The following GUCY1A2 variants were observed in gnomAD, a reference collection of about 807,000 sequenced individuals.
GUCY1A2 encodes the protein guanylate cyclase soluble subunit alpha-2.
GUCY1A2 carries 27 observed loss-of-function variants against 63.5 expected under a neutral mutation model. The observed-to-expected ratio is 0.43, with a 90% CI of 0.31 to 0.59. The LOEUF (loss-of-function observed/expected upper bound fraction) is 0.59, where lower values mean the gene tolerates loss of function less well. Among genes scored for constraint, GUCY1A2 ranks in the 20% least tolerant of loss-of-function variants. The probability of loss-of-function intolerance (pLI) is 0.11; values close to 1 mark genes in which losing one functional copy is unlikely to be tolerated. For synonymous variants in GUCY1A2, 364 were observed against 343.5 expected (o/e 1.06, Z -0.66); for missense variants, 768 against 913.3 (o/e 0.84, Z 2.05).
At chr11:106,790,155 G>C (rs1479005204) in intron 5 of GUCY1A2, among the ~76,000 whole-genome samples, 1 of 152,158 alleles carries the variant, frequency 6.6e-6, no homozygotes, top group East Asian at 1.9e-4. Flanking sequence ...AAAAAAACTT[G>C]GAAGTCTACG....
rs1489247056 is a variant in GUCY1A2 at position 106,735,602 on chromosome 11, A to G, written c.1837-26936T>C. Reference sequence around the variant, plus strand: ...AGCGTTACAATAAACATGGGAGTGCAGTTATCTCTTCAATATACTGATTTC... The same window carrying G: ...AGCGTTACAATAAACATGGGAGTGCGGTTATCTCTTCAATATACTGATTTC... On this transcript the variant is annotated intron_variant, in intron 6 of 7. Transcript: ENST00000526355. 2.0e-5 allele frequency among the ~76,000 whole-genome samples: 3 copies of G among 152,190 alleles called. No homozygotes were observed. In the East Asian group the frequency reaches 5.8e-4, roughly 29 times the overall value.
intron 7 of GUCY1A2, among the ~76,000 whole-genome samples, chr11:106,706,037 T>G (rs1219227921): frequency 1.3e-5 from 2 of 152,162 alleles, no homozygotes; most frequent in Non-Finnish European, 2.9e-5. Context: ...TTATTATCTT[T>G]TCAGTACTCC....
chr11:106,754,586 C>A (rs7112983), intron 6 of GUCY1A2, among the ~76,000 whole-genome samples: 145,256 of 152,282 alleles, frequency 0.95, 69,332 homozygotes, highest in East Asian at 0.99. Flanking sequence ...ATTTCGTCGA[C>A]GGTCTTTTCT....
intron 6 of GUCY1A2, among the ~76,000 whole-genome samples, chr11:106,745,686 T>C (rs1863775693): frequency 6.6e-6 from 1 of 152,224 alleles, no homozygotes; most frequent in Non-Finnish European, 1.5e-5. Context: ...ATGACTGTCC[T>C]AAGATGCACA....
chr11:106,873,171 G>A (rs1859703948), intron 4 of GUCY1A2, among the ~76,000 whole-genome samples: 1 of 152,126 alleles, frequency 6.6e-6, no homozygotes, highest in South Asian at 2.1e-4. Context: ...GTCTATCATT[G>A]ATGGGCATTT....
chr11:107,011,547 T>C (rs1766838762), intron 1 of GUCY1A2, among the ~76,000 whole-genome samples: 1 of 146,486 alleles, frequency 6.8e-6, no homozygotes, highest in Admixed American at 6.9e-5. Flanking sequence ...ATTAAATATA[T>C]AAATATATTT....
At chr11:106,714,032 A>C (rs1453482032) in intron 6 of GUCY1A2, among the ~76,000 whole-genome samples, 1 of 151,634 alleles carries the variant, frequency 6.6e-6, no homozygotes, top group African/African-American at 2.4e-5. Flanking sequence ...GTTAAAAAAA[A>C]AAAACAAACT....
chr11:106,940,577 T>A (rs778460647), intron 3 of GUCY1A2, among the ~76,000 whole-genome samples: 1 of 152,200 alleles, frequency 6.6e-6, no homozygotes, highest in Non-Finnish European at 1.5e-5. Flanking sequence ...TGAACCTACA[T>A]GATGCATTAT....
intron 3 of GUCY1A2, among the ~76,000 whole-genome samples, chr11:106,953,909 CTCTCT>C (rs1482875326): frequency 3.3e-5 from 5 of 151,934 alleles, no homozygotes; most frequent in African/African-American, 1.2e-4. Flanking sequence ...TGATTCTTCT[CTCTCT>C]TATTAGTCTA....
chr11:106,754,297 G>C (rs966438222), intron 6 of GUCY1A2, among the ~76,000 whole-genome samples: 4 of 152,158 alleles, frequency 2.6e-5, no homozygotes, highest in Non-Finnish European at 5.9e-5. Flanking sequence ...CATGTCATCT[G>C]CAAACAGAGA....
intron 2 of GUCY1A2, among the ~76,000 whole-genome samples, chr11:106,979,353 G>A (rs1487343630): frequency 6.6e-6 from 1 of 151,748 alleles, no homozygotes; most frequent in Non-Finnish European, 1.5e-5. Context: ...TACTCTGGAG[G>A]CTGAGGCAGA....
chr11:106,736,241 C>T (rs1863587525), intron 6 of GUCY1A2, among the ~76,000 whole-genome samples: 2 of 151,926 alleles, frequency 1.3e-5, no homozygotes, highest in Non-Finnish European at 2.9e-5. Flanking sequence ...TACAATGGTT[C>T]CTTTTAGTAG....
chr11:106,741,678 G>A (rs575886054), intron 6 of GUCY1A2, among the ~76,000 whole-genome samples: 1 of 152,174 alleles, frequency 6.6e-6, no homozygotes, highest in Non-Finnish European at 1.5e-5. Flanking sequence ...TTTAACAAAA[G>A]TGTGGTGATT....
At chr11:106,910,001 T>C (rs1468203276) in intron 4 of GUCY1A2, among the ~76,000 whole-genome samples, 3 of 151,972 alleles carry the variant, frequency 2.0e-5, no homozygotes, top group South Asian at 2.1e-4. Context: ...GAAACGTAGA[T>C]ATATTCACAT....
chr11:106,761,212 T>A (rs1229636066), intron 6 of GUCY1A2, among the ~76,000 whole-genome samples: 2 of 152,242 alleles, frequency 1.3e-5, no homozygotes, highest in African/African-American at 2.4e-5. Flanking sequence ...AATCAAATAC[T>A]TTTTTGATAT....
intron 4 of GUCY1A2, among the ~76,000 whole-genome samples, chr11:106,841,621 T>C (rs944147577): frequency 2.6e-5 from 4 of 151,938 alleles, no homozygotes; most frequent in African/African-American, 9.7e-5. Flanking sequence ...TACTTGAGTG[T>C]CCTTAGCAGT....
intron 4 of GUCY1A2, among the ~76,000 whole-genome samples, chr11:106,893,544 G>A (rs1432435202): frequency 6.6e-6 from 1 of 151,934 alleles, no homozygotes; most frequent in Non-Finnish European, 1.5e-5. Flanking sequence ...ATATGGTGGT[G>A]GCCTCCAGTT....
At chr11:106,782,062 A>G (rs1864474644) in intron 5 of GUCY1A2, among the ~76,000 whole-genome samples, 1 of 152,152 alleles carries the variant, frequency 6.6e-6, no homozygotes, top group South Asian at 2.1e-4. Flanking sequence ...ATTGAGGATA[A>G]GATTAGCCAA....
intron 3 of GUCY1A2, among the ~76,000 whole-genome samples, chr11:106,970,984 T>C (rs776393490): frequency 7.2e-5 from 11 of 152,136 alleles, no homozygotes; most frequent in Non-Finnish European, 1.0e-4. Context: ...ATATACTATA[T>C]GATTACATTT....
Sources: gnomAD v4.1 joint callset for allele counts (sites outside exome capture counted in the v4.1 genomes callset) on GRCh38, gnomAD v4.1.1 for gene constraint, MANE v1.5 for transcripts, NCBI Gene and HGNC (gene_info 2026-07-23, HGNC 2026-07-21) for gene names.